The following SYTL2 variants were observed in gnomAD, a reference collection of about 807,000 sequenced individuals.
The protein encoded by SYTL2 is synaptotagmin like 2.
In SYTL2, 165 loss-of-function variants were observed where a neutral mutation model predicts 198.7. That is an observed-to-expected ratio of 0.83 (90% confidence interval 0.73 to 0.94). SYTL2 has a LOEUF of 0.94. Ranked by LOEUF, SYTL2 falls within the 40% of genes least tolerant of loss-of-function variation. SYTL2 has a pLI of 0.00. For synonymous variants in SYTL2, 966 were observed against 917.7 expected (o/e 1.05, Z -0.95); for missense variants, 2,835 against 2,582.8 (o/e 1.10, Z -2.12).
chr11:85,803,674 T>C (rs2092921656), intron 1 of SYTL2, among the ~76,000 whole-genome samples: 1 of 152,228 alleles, frequency 6.6e-6, no homozygotes, highest in East Asian at 1.9e-4. Context: ...ATCTTTCCTT[T>C]AGAGAACTCC....
In SYTL2 at chr11:85,727,056, G is replaced by A. The variant is rs1433706586; in HGVS notation, c.2302C>T (p.Pro768Ser). The A allele has an allele frequency of 1.3e-6, 2 of 1,536,164 alleles. No homozygotes were observed. The highest frequency in any genetic ancestry group is 1.4e-5 in the African/African-American group (1 of 73,014). ...GCTTCTTGCTGGAATTGGACCTCAGGCTTCTTCCAAGGAGAGCCATTGTTG... is the reference window on the plus strand; with the variant it reads ...GCTTCTTGCTGGAATTGGACCTCAGACTTCTTCCAAGGAGAGCCATTGTTG... The part of the protein sequence containing the change: ...VANNGSPWKK[P>S]EVQFQQEAGE... Residue 768 changes from proline (P) to serine (S), a missense_variant, in exon 8 of 20, where the codon CCT becomes TCT. This residue lies in a region of SYTL2 where 2,645 missense variants were observed against 2,381.7 expected (regional missense o/e 1.11). Transcript: ENST00000359152.
intron 2 of SYTL2, among the ~76,000 whole-genome samples, 168 bp downstream of exon 2, chr11:85,757,457 C>T (rs2091931198): frequency 6.6e-6 from 1 of 152,106 alleles, no homozygotes; most frequent in South Asian, 2.1e-4. Flanking sequence ...AATTAAGAGG[C>T]ACCAAGAGGA....
chr11:85,734,659 C>T lies in SYTL2; in HGVS notation c.670G>A (p.Gly224Ser), dbSNP rs1178592601. The change falls in exon 7 of 20, where the codon GGC becomes AGC. Residue 224 changes from glycine to serine, a missense_variant. Gly to Ser is a moderately conservative substitution (Grantham distance 56). This residue lies in a region of SYTL2 where 2,645 missense variants were observed against 2,381.7 expected (regional missense o/e 1.11). Coordinates refer to ENST00000359152, the MANE Select transcript of SYTL2 (RefSeq NM_206927.4). ...KLEKSKQTLP[G>S]LSNGSQIKAP... is the part of the protein sequence containing the mutation. ...TTGATTTGGGACCCATTTGAAAGGC[C>T]TGGCAAAGTCTGCTTTGATTTCTCT... 4.3e-6 allele frequency: 7 copies of T among 1,614,034 alleles called. No homozygotes were observed. In the Admixed American group the frequency reaches 1.0e-4, roughly 23 times the overall value.
At chr11:85,815,434 A>G (rs1020624226), upstream of SYTL2, among the ~76,000 whole-genome samples, 3 of 152,242 alleles carry the variant, frequency 2.0e-5, no homozygotes, top group Non-Finnish European at 2.9e-5. Flanking sequence ...TTTTTTAAAT[A>G]ATTTGTAAAT....
At chr11:85,821,976 C>T in the SYTL2 span, among the ~76,000 whole-genome samples, 2 of 152,190 alleles carry the variant, frequency 1.3e-5, 1 homozygote, top group Non-Finnish European at 2.9e-5. Flanking sequence ...CCATTTCCAC[C>T]CTTAGTTGGG....
chr11:85,784,553 T>A (rs917690701), intron 1 of SYTL2, among the ~76,000 whole-genome samples: 3 of 152,068 alleles, frequency 2.0e-5, no homozygotes, highest in African/African-American at 7.2e-5. Context: ...TCAAAGGAGA[T>A]CAAGGAGAAT....
At chr11:85,706,224 T>C (rs2085117941) in intron 15 of SYTL2, among the ~76,000 whole-genome samples, 1 of 152,224 alleles carries the variant, frequency 6.6e-6, no homozygotes, top group Non-Finnish European at 1.5e-5. Flanking sequence ...TTTACTGTTC[T>C]CCACTGCTAA....
At chr11:85,785,944 TA>T (rs903364617) in intron 1 of SYTL2, among the ~76,000 whole-genome samples, 1 of 152,210 alleles carries the variant, frequency 6.6e-6, no homozygotes, top group Admixed American at 6.5e-5. Context: ...ATACTATGTT[TA>T]AAAAAGTCCT....
chr11:85,775,862 C>G (rs2092442810), intron 1 of SYTL2, among the ~76,000 whole-genome samples: 1 of 152,176 alleles, frequency 6.6e-6, no homozygotes, highest in Admixed American at 6.5e-5. Context: ...AGTGACAGAG[C>G]TGAGAACACA....
chr11:85,741,071 GTT>G (rs113206695), intron 4 of SYTL2, among the ~76,000 whole-genome samples: 33 of 145,752 alleles, frequency 2.3e-4, no homozygotes, highest in African/African-American at 6.3e-4. Flanking sequence ...TTTTTCTGAG[GTT>G]TTTTTTTTTT....
intron 17 of SYTL2, among the ~76,000 whole-genome samples, chr11:85,699,016 CA>C (rs748464826): frequency 6.6e-6 from 1 of 152,136 alleles, no homozygotes; most frequent in Non-Finnish European, 1.5e-5. Context: ...GTCAACCAAA[CA>C]GTACTTAGTG....
At chr11:85,789,340 GTATATATATATATATATATATATA>G (rs56956411) in intron 1 of SYTL2, among the ~76,000 whole-genome samples, 1 of 62,526 alleles carries the variant, frequency 1.6e-5, no homozygotes, top group South Asian at 6.4e-4. Flanking sequence ...GTGTGTGTGT[GTATATATATATATATATATATATA>G]TATATATATA....
chr11:85,838,952 A>C, the SYTL2 span, among the ~76,000 whole-genome samples: 15 of 152,192 alleles, frequency 9.9e-5, no homozygotes, highest in African/African-American at 3.1e-4. Context: ...CTATGTTGCC[A>C]AGGCTGGCCT....
Position 85,727,685 on chromosome 11 carries a change from G to T in SYTL2, c.1673C>A (p.Ala558Asp), listed in dbSNP as rs1171964617. 5 of 1,541,538 alleles carry T rather than the reference G, an allele frequency of 3.2e-6. No homozygotes were observed. In the East Asian group the frequency reaches 1.2e-4, roughly 38 times the overall value. Residue 558 changes from alanine to aspartate, a missense_variant, in exon 8 of 20, where the codon GCT (alanine) becomes GAT (aspartate). By Grantham distance (126) the Ala-to-Asp change is moderately radical. Coordinates refer to ENST00000359152, the MANE Select transcript of SYTL2 (RefSeq NM_206927.4). ...KEKTDSKSQV[A>D]VDLVTDDTTL... ...AGTGTCATCTGTCACCAAGTCAACA[G>T]CAACCTGTGATTTTGAGTCTGTTTT...
chr11:85,770,102 C>T (rs1052299114), intron 1 of SYTL2, among the ~76,000 whole-genome samples: 1 of 152,158 alleles, frequency 6.6e-6, no homozygotes, highest in Non-Finnish European at 1.5e-5. Flanking sequence ...GGTAAATCTG[C>T]CACACAGTCA....
At chr11:85,823,826 T>A in the SYTL2 span, among the ~76,000 whole-genome samples, 135 of 152,320 alleles carry the variant, frequency 8.9e-4, no homozygotes, top group Non-Finnish European at 1.4e-3. Context: ...CAAATAACAC[T>A]CAAAAGTTTT....
At chr11:85,835,146 AC>A in the SYTL2 span, among the ~76,000 whole-genome samples, 1 of 152,172 alleles carries the variant, frequency 6.6e-6, no homozygotes, top group Non-Finnish European at 1.5e-5. Flanking sequence ...GAATATCTGT[AC>A]TTTAATTATT....
the SYTL2 span, among the ~76,000 whole-genome samples, chr11:85,839,338 T>A: frequency 2.2e-4 from 33 of 152,206 alleles, no homozygotes; most frequent in African/African-American, 7.2e-4. Context: ...ATATTCACCC[T>A]TTCGTAACAG....
At chr11:85,722,406 C>A (rs1418747718) in intron 8 of SYTL2, among the ~76,000 whole-genome samples, 2 of 152,174 alleles carry the variant, frequency 1.3e-5, no homozygotes, top group Middle Eastern at 3.4e-3. Flanking sequence ...GATATCCTCA[C>A]CTCATGATCT....
Sources: gnomAD v4.1 joint callset for allele counts (sites outside exome capture counted in the v4.1 genomes callset) on GRCh38, gnomAD v4.1.1 for gene constraint, gnomAD v4.1.1 regional missense constraint, MANE v1.5 for transcripts, NCBI Gene and HGNC (gene_info 2026-07-23, HGNC 2026-07-21) for gene names.